The following TSPAN4 variants were observed in gnomAD, a reference collection of about 807,000 sequenced individuals.
The protein encoded by TSPAN4 is tetraspanin-4.
In TSPAN4, 38 loss-of-function variants were observed where a neutral mutation model predicts 31.5. The observed-to-expected ratio is 1.21, with a 90% CI of 0.93 to 1.58. The LOEUF (loss-of-function observed/expected upper bound fraction) is 1.58. Ranked by LOEUF, TSPAN4 falls within the 40% of genes most tolerant of loss-of-function variation. The probability of loss-of-function intolerance (pLI) is 0.00; values close to 1 mark genes in which losing one functional copy is unlikely to be tolerated. For missense variants in TSPAN4, 330 were observed against 317.3 expected, an observed-to-expected ratio of 1.04 and a Z score of -0.30; for synonymous variants, 186 against 144.6, an observed-to-expected ratio of 1.29 and a Z score of -2.06.
chr11:854,016 G>T (rs987427591), intron 3 of TSPAN4, among the ~76,000 whole-genome samples: 8 of 152,274 alleles, frequency 5.3e-5, no homozygotes, highest in Non-Finnish European at 1.0e-4. Context: ...CCACCTTCAG[G>T]CCTCTGTGCT....
intron 3 of TSPAN4, chr11:858,204 A>G (rs1848167408): frequency 6.6e-6 from 1 of 152,510 alleles, no homozygotes; most frequent in Non-Finnish European, 1.5e-5. Flanking sequence ...CCAGAATGTT[A>G]CGAGGGACAC....
chr11:861,593 T>G (rs1024119815), intron 3 of TSPAN4, among the ~76,000 whole-genome samples: 1 of 152,100 alleles, frequency 6.6e-6, no homozygotes, highest in Non-Finnish European at 1.5e-5. Flanking sequence ...GCGCCTGTAG[T>G]CCCAGCTACT....
At chr11:861,394 C>G (rs1012861508) in intron 3 of TSPAN4, among the ~76,000 whole-genome samples, 2 of 152,074 alleles carry the variant, frequency 1.3e-5, no homozygotes. Flanking sequence ...ACGGGCTGAT[C>G]ATGAGGTCAG....
At chr11:859,170 C>T (rs1192126017) in intron 3 of TSPAN4, among the ~76,000 whole-genome samples, 2 of 135,130 alleles carry the variant, frequency 1.5e-5, no homozygotes, top group Non-Finnish European at 3.2e-5. Flanking sequence ...ACACGCACCC[C>T]AGGTCACACG....
intron 3 of TSPAN4, among the ~76,000 whole-genome samples, chr11:851,936 G>A (rs1391010234): frequency 6.6e-6 from 1 of 151,698 alleles, no homozygotes; most frequent in Non-Finnish European, 1.5e-5. Context: ...TTCCCAGGGG[G>A]GGTCTCTCTG....
intron 3 of TSPAN4, among the ~76,000 whole-genome samples, chr11:856,617 G>A (rs1848059579): frequency 6.6e-6 from 1 of 152,202 alleles, no homozygotes; most frequent in Non-Finnish European, 1.5e-5. Context: ...TGAGCGTGTG[G>A]GGAGGGAGCT....
rs376500464 is a variant in TSPAN4 at position 854,278 on chromosome 11, C to G, written c.63+3911C>G. Among the ~76,000 whole-genome samples, 384 of 152,336 alleles carry G rather than the reference C, an allele frequency of 2.5e-3. 2 individuals carry two copies. Among genetic ancestry groups the G allele is most frequent in the African/African-American group, 9.0e-3 (373 of 41,572 alleles). ...CGCAGCACCAGGAGCTTGGTGGAAG[C>G]TCCGGCCGTCTCCGCACTGTATGGT... On this transcript the variant is annotated intron_variant, in intron 3 of 8. Transcript: ENST00000397397.
chr11:860,735 C>T lies in TSPAN4; in HGVS notation c.64-1815C>T, dbSNP rs1848409027. On this transcript the variant is annotated intron_variant, in intron 3 of 8. Transcript: ENST00000397397. ...GGGGCTTCTGGTAGTCCCCCGGGAA[C>T]CCCCAGAGCCTGGGGTCTGAGCCTG... is the stretch of plus-strand genomic sequence containing the variant. Among the ~76,000 whole-genome samples, 3 of 152,166 alleles carry T rather than the reference C, an allele frequency of 2.0e-5. No individual in the cohort carries two copies. The South Asian group carries it at 6.2e-4, about 32-fold the overall frequency.
rs368111781 is a variant in TSPAN4 at position 865,467 on chromosome 11, C to T, written c.331-46C>T. ...GGCGAGGGGGTCTGGATGAGGGAGG[C>T]GGGGTACAGTGGGAGGGGCCCTGCT... On this transcript the variant is annotated intron_variant, in intron 5 of 8. Transcript: ENST00000397397. 3.4e-4 allele frequency: 517 copies of T among 1,502,370 alleles called. 2 individuals are homozygous for T. In the East Asian group the frequency reaches 5.3e-3, roughly 15 times the overall value. 93.1% of individuals were successfully genotyped at this position (1,502,370 alleles called of 1,614,324 possible).
intron 8 of TSPAN4, 72 bp downstream of exon 8, chr11:866,073 G>A: frequency 6.5e-7 from 1 of 1,530,220 alleles, no homozygotes; most frequent in Non-Finnish European, 8.9e-7. Context: ...GAACAAAGTA[G>A]CAAAGACCTT....
intron 8 of TSPAN4, 85 bp downstream of exon 8, chr11:866,086 C>T: frequency 6.9e-7 from 1 of 1,441,498 alleles, no homozygotes. Flanking sequence ...AAGACCTTGC[C>T]CCCAGGAACC....
Position 864,429 on chromosome 11 carries a change from C to T in TSPAN4, c.256-8C>T, listed in dbSNP as rs751411948. ...TCGGGTCCCTGTCTGAGCCTGCCCC[C>T]TCCACAGTTCTTCCTGCTGCTGCTG... On this transcript the variant is annotated splice_region_variant and splice_polypyrimidine_tract_variant and intron_variant, in intron 4 of 8. Coordinates refer to ENST00000397397, the MANE Select transcript of TSPAN4 (RefSeq NM_003271.5). The T allele has an allele frequency of 8.7e-6, 14 of 1,611,970 alleles. No homozygotes were observed. In the East Asian group the frequency reaches 2.9e-4, roughly 33 times the overall value.
chr11:845,828 G>T (rs1209363508), intron 1 of TSPAN4, among the ~76,000 whole-genome samples: 1 of 152,176 alleles, frequency 6.6e-6, no homozygotes, highest in Non-Finnish European at 1.5e-5. Flanking sequence ...CCCTGGGGCT[G>T]CTGGGGGTAT....
intron 8 of TSPAN4, 122 bp downstream of exon 8, chr11:866,123 G>A: frequency 9.4e-7 from 1 of 1,061,606 alleles, no homozygotes. Context: ...CGGGGCAAAA[G>A]CAGGAGGGCG....
chr11:846,215 G>C (rs1847315372), intron 1 of TSPAN4, among the ~76,000 whole-genome samples: 1 of 152,240 alleles, frequency 6.6e-6, no homozygotes, highest in Non-Finnish European at 1.5e-5. Flanking sequence ...CCCTGCTGCT[G>C]GGGCTCAGAG....
rs960531500 is a variant in TSPAN4, at chr11:842,897, G to C, written c.-136G>C. On this transcript the variant is annotated 5_prime_UTR_variant, in exon 1 of 9. Coordinates refer to ENST00000397397, the MANE Select transcript of TSPAN4 (RefSeq NM_003271.5). ...TGCGCGGCGGGAGCGGGCGGCGCGAGCGGGAGGCGGCGGCGCAGGTACTGC... is the reference window on the plus strand; with the variant it reads ...TGCGCGGCGGGAGCGGGCGGCGCGACCGGGAGGCGGCGGCGCAGGTACTGC... The C allele has an allele frequency of 4.2e-5, 7 of 165,090 alleles. No homozygotes were observed. The East Asian group carries it at 5.0e-4, about 12-fold the overall frequency. The allele number at this position is 165,090 out of a possible 1,614,324, so 10.2% of individuals were successfully genotyped here.
At position 865,550 on chromosome 11, in the gene TSPAN4, TGCACCTGTACG is replaced by T; in HGVS notation, c.373_383del (p.Leu125AlafsTer27). On this transcript the variant is annotated frameshift_variant, in exon 6 of 9. Coordinates refer to ENST00000397397, the MANE Select transcript of TSPAN4 (RefSeq NM_003271.5). LOFTEE classifies it high-confidence loss of function. ...GCCCAGCAAGACCTGAAGAAAGGCT[TGCACCTGTACG>T]GCACGCAGGGCAACGTGGGCCTCAC... is the stretch of plus-strand genomic sequence containing the variant. 6.2e-7 allele frequency: 1 copy of T among 1,612,452 alleles called. No homozygotes were observed. Among genetic ancestry groups the T allele is most frequent in the Non-Finnish European group, 8.5e-7 (1 of 1,179,866 alleles).
Position 848,596 on chromosome 11 carries a change from C to G in TSPAN4, c.-18+1296C>G, listed in dbSNP as rs950427662. Among the ~76,000 whole-genome samples, 7 of 152,164 alleles carry G rather than the reference C, an allele frequency of 4.6e-5. No individual in the cohort carries two copies. Among genetic ancestry groups the G allele is most frequent in the Admixed American group, 2.0e-4 (3 of 15,290 alleles). ...TCCCCAGACCTGCCACCTCCCACAT[C>G]AGTCACTCCAGGAGGACCCAGGCCT... is the stretch of plus-strand genomic sequence containing the variant. On this transcript the variant is annotated intron_variant, in intron 2 of 8. Coordinates refer to ENST00000397397, the MANE Select transcript of TSPAN4 (RefSeq NM_003271.5). The surrounding 1 kb of genome is among the most constrained non-coding windows in gnomAD (Gnocchi z 5.7).
intron 3 of TSPAN4, among the ~76,000 whole-genome samples, chr11:856,527 A>G (rs1273907185): frequency 1.3e-5 from 2 of 152,078 alleles, no homozygotes; most frequent in Non-Finnish European, 2.9e-5. Flanking sequence ...GGCGGGGTCA[A>G]CCTCCCACCT....
Sources: allele counts gnomAD v4.1 joint callset (sites outside exome capture counted in the v4.1 genomes callset), GRCh38; gene constraint gnomAD v4.1.1; non-coding constraint Gnocchi (gnomAD v3.1); transcripts MANE v1.5; gene names NCBI Gene and HGNC (gene_info 2026-07-23, HGNC 2026-07-21).